KDM2A: variants seen among roughly 807,000 people sequenced by gnomAD.
KDM2A encodes the protein lysine-specific demethylase 2A.
In KDM2A, 3 loss-of-function variants were observed where a neutral mutation model predicts 137.3. The observed-to-expected ratio is 0.02, with a 90% CI of 0.01 to 0.06. KDM2A has a LOEUF of 0.06. Among genes scored for constraint, KDM2A ranks in the 10% least tolerant of loss-of-function variants. The probability of loss-of-function intolerance (pLI) is 1.00; values close to 1 mark genes in which losing one functional copy is unlikely to be tolerated. For synonymous variants in KDM2A, 512 were observed against 541.5 expected (o/e 0.95, Z 0.76); for missense variants, 738 against 1,510.6 (o/e 0.49, Z 8.48).
intron 10 of KDM2A, among the ~76,000 whole-genome samples, chr11:67,220,520 A>G (rs1021881405): frequency 5.3e-5 from 8 of 152,180 alleles, no homozygotes; most frequent in African/African-American, 1.9e-4. Context: ...GTCTTTCTCA[A>G]CTGGGGTTTC....
rs1202751312 is a variant in KDM2A at position 67,255,016 on chromosome 11, C to T, written c.3450C>T (p.Tyr1150=). The change falls in exon 21 of 21, where the codon TAC becomes TAT. Residue 1150 remains tyrosine (Y), a synonymous_variant. Transcript: ENST00000529006. Reference sequence around the variant, plus strand: ...CAGACTTGTCCATCAACAGCCTCTACTGCCTGTCTGACGAGAAGCTGATAC... The same window carrying T: ...CAGACTTGTCCATCAACAGCCTCTATTGCCTGTCTGACGAGAAGCTGATAC... ...FISDLSINSL[Y]CLSDEKLIQK... is the part of the protein sequence containing the mutation. 6.2e-7 allele frequency: 1 copy of T among 1,613,170 alleles called. No individual in the cohort carries two copies. The highest frequency in any genetic ancestry group is 8.5e-7 in the Non-Finnish European group (1 of 1,179,524).
intron 5 of KDM2A, among the ~76,000 whole-genome samples, chr11:67,193,688 C>T (rs921671464): frequency 1.3e-5 from 2 of 151,880 alleles, no homozygotes; most frequent in African/African-American, 4.8e-5. Flanking sequence ...TGGCAAAACG[C>T]CGTATCTACT....
chr11:67,242,137 A>C (rs1328335714), intron 12 of KDM2A, among the ~76,000 whole-genome samples: 1 of 152,222 alleles, frequency 6.6e-6, no homozygotes, highest in African/African-American at 2.4e-5. Flanking sequence ...TGATTCACTT[A>C]AGTGGCATTT....
intron 6 of KDM2A, among the ~76,000 whole-genome samples, chr11:67,208,438 G>A (rs963971610): frequency 3.3e-5 from 5 of 151,686 alleles, no homozygotes; most frequent in African/African-American, 1.2e-4. Context: ...CTTAATGTAG[G>A]AACATTGACC....
At chr11:67,227,185 G>A (rs1858572188) in intron 10 of KDM2A, among the ~76,000 whole-genome samples, 1 of 152,176 alleles carries the variant, frequency 6.6e-6, no homozygotes, top group Admixed American at 6.5e-5. Flanking sequence ...TCTGGTTTGT[G>A]GACATACCAT....
At position 67,130,098 on chromosome 11, in the gene KDM2A, G is replaced by A. The variant is rs990127018; in HGVS notation, c.42+8740G>A. On this transcript the variant is annotated intron_variant, in intron 2 of 20. Coordinates refer to ENST00000529006, the MANE Select transcript of KDM2A (RefSeq NM_012308.3). ...CAGCCTCAGCCTCCCTAGTAGCTGG[G>A]ATTACAGGCGTCCGCCACCCCACCT... is the stretch of plus-strand genomic sequence containing the variant. 5.3e-5 allele frequency among the ~76,000 whole-genome samples: 8 copies of A among 149,692 alleles called. No individual in the cohort carries two copies. The East Asian group carries it at 1.0e-3, about 19-fold the overall frequency.
intron 15 of KDM2A, among the ~76,000 whole-genome samples, chr11:67,248,029 A>G (rs1303397145): frequency 1.3e-5 from 2 of 152,226 alleles, no homozygotes; most frequent in African/African-American, 2.4e-5. Flanking sequence ...ATATCAGCCA[A>G]CATTTTACAG....
intron 2 of KDM2A, among the ~76,000 whole-genome samples, chr11:67,170,525 G>A (rs1856860777): frequency 6.8e-6 from 1 of 147,312 alleles, no homozygotes; most frequent in South Asian, 2.1e-4. Context: ...CCATTCTCCT[G>A]CCTGAGCCTC....
intron 5 of KDM2A, among the ~76,000 whole-genome samples, chr11:67,199,021 C>T (rs1178185922): frequency 6.6e-6 from 1 of 152,096 alleles, no homozygotes; most frequent in Non-Finnish European, 1.5e-5. Context: ...TCAAGTGATT[C>T]ACCCGCCTTG....
chr11:67,163,748 C>T (rs1429064169), intron 2 of KDM2A, among the ~76,000 whole-genome samples: 1 of 151,614 alleles, frequency 6.6e-6, no homozygotes, highest in Admixed American at 6.6e-5. Flanking sequence ...CCCAGCTACT[C>T]GGGAGGTTGC....
rs146406620 is a variant in KDM2A at position 67,137,912 on chromosome 11, C to T, written c.42+16554C>T. Among the ~76,000 whole-genome samples, 1,314 of 152,198 alleles carry T rather than the reference C, an allele frequency of 8.6e-3. 20 individuals are homozygous for T. Among genetic ancestry groups the T allele is most frequent in the African/African-American group, 0.03 (1,242 of 41,498 alleles). ...TCCCAGGTTCAAGTGATTCTTCTGC[C>T]TCAGCCTCCTGAGTAGCTGGGACTG... is the stretch of plus-strand genomic sequence containing the variant. On this transcript the variant is annotated intron_variant, in intron 2 of 20. Transcript: ENST00000529006.
chr11:67,232,268 T>G (rs1858739882), intron 12 of KDM2A, among the ~76,000 whole-genome samples: 1 of 152,230 alleles, frequency 6.6e-6, no homozygotes. Context: ...AATGTTACAT[T>G]AAACTTAAGT....
At chr11:67,248,412 G>T (rs1323055879) in intron 16 of KDM2A, 42 bp downstream of exon 16, 1 of 1,395,980 alleles carries the variant, frequency 7.2e-7, no homozygotes, top group Non-Finnish European at 1.0e-6. Flanking sequence ...CAGAAAGGAG[G>T]CATCAAATGT....
At chr11:67,218,290 A>G (rs1358269043) in intron 9 of KDM2A, among the ~76,000 whole-genome samples, 1 of 152,204 alleles carries the variant, frequency 6.6e-6, no homozygotes, top group Non-Finnish European at 1.5e-5. Flanking sequence ...AAATCAAAGT[A>G]AGTGCTTATA....
intron 2 of KDM2A, among the ~76,000 whole-genome samples, chr11:67,173,281 C>T (rs1295107796): frequency 2.0e-5 from 3 of 152,202 alleles, no homozygotes; most frequent in East Asian, 1.9e-4. Flanking sequence ...CGCCACCATG[C>T]GTGGCTAATT....
intron 2 of KDM2A, among the ~76,000 whole-genome samples, chr11:67,141,750 G>A (rs1399665816): frequency 6.8e-6 from 1 of 147,614 alleles, no homozygotes; most frequent in Non-Finnish European, 1.5e-5. Flanking sequence ...TTACGATTGA[G>A]CTTCAGAACT....
intron 2 of KDM2A, among the ~76,000 whole-genome samples, chr11:67,142,426 G>A (rs1193921872): frequency 1.3e-5 from 2 of 150,868 alleles, no homozygotes; most frequent in African/African-American, 4.8e-5. Flanking sequence ...CAAGGCAGGC[G>A]GATCACCTGA....
At chr11:67,248,995 T>C (rs1859329022) in intron 16 of KDM2A, among the ~76,000 whole-genome samples, 1 of 152,226 alleles carries the variant, frequency 6.6e-6, no homozygotes, top group African/African-American at 2.4e-5. Context: ...CAAGACCAGC[T>C]GTGGACACCT....
intron 11 of KDM2A, among the ~76,000 whole-genome samples, chr11:67,230,510 C>G (rs988182746): frequency 1.3e-5 from 2 of 151,964 alleles, no homozygotes; most frequent in Non-Finnish European, 2.9e-5. Flanking sequence ...CCTCTGGTCC[C>G]AGCTGTTTGG....
Sources: allele counts gnomAD v4.1 joint callset (sites outside exome capture counted in the v4.1 genomes callset), GRCh38; gene constraint gnomAD v4.1.1; transcripts MANE v1.5; gene names NCBI Gene and HGNC (gene_info 2026-07-23, HGNC 2026-07-21).